Variants in DPF3 observed in about 807,000 individuals in gnomAD.
DPF3 encodes zinc finger protein DPF3.
DPF3 carries 18 observed loss-of-function variants against 56.8 expected under a neutral mutation model. That is an observed-to-expected ratio of 0.32 (90% confidence interval 0.22 to 0.47). The LOEUF is 0.47. Ranked by LOEUF, DPF3 falls within the 20% of genes least tolerant of loss-of-function variation. DPF3 has a pLI of 1.00. For synonymous variants in DPF3, 188 were observed against 180.2 expected (o/e 1.04, Z -0.35); for missense variants, 403 against 488.8 (o/e 0.82, Z 1.65).
At chr14:72,622,004 A>C (rs1280751303) in intron 9 of DPF3, among the ~76,000 whole-genome samples, 1 of 152,164 alleles carries the variant, frequency 6.6e-6, no homozygotes. Flanking sequence ...TGAGATATGG[A>C]CTTGGGATTC....
At chr14:72,728,511 G>C (rs1221053910) in intron 4 of DPF3, among the ~76,000 whole-genome samples, 3 of 152,176 alleles carry the variant, frequency 2.0e-5, no homozygotes, top group African/African-American at 7.2e-5. Flanking sequence ...CGCCCAGGAA[G>C]GTCACGCTCA....
At chr14:72,720,022 A>C (rs1173000611) in intron 5 of DPF3, among the ~76,000 whole-genome samples, 1 of 151,838 alleles carries the variant, frequency 6.6e-6, no homozygotes, top group Non-Finnish European at 1.5e-5. Flanking sequence ...AATTCTCATT[A>C]ATCTAGTGTG....
At chr14:72,714,136 A>G (rs1193589634) in intron 6 of DPF3, among the ~76,000 whole-genome samples, 2 of 152,200 alleles carry the variant, frequency 1.3e-5, no homozygotes, top group African/African-American at 2.4e-5. Flanking sequence ...TGAGAGAGAG[A>G]GCCGGAGGAG....
chr14:72,707,679 T>A (rs1029568893), intron 6 of DPF3, among the ~76,000 whole-genome samples: 2 of 149,830 alleles, frequency 1.3e-5, no homozygotes, highest in South Asian at 4.2e-4. Flanking sequence ...TCTGTGTGCG[T>A]GTGTGTGTGT....
intron 4 of DPF3, among the ~76,000 whole-genome samples, chr14:72,730,128 T>C (rs1340260750): frequency 6.6e-6 from 1 of 151,878 alleles, no homozygotes; most frequent in African/African-American, 2.4e-5. Flanking sequence ...GGGAGACCAC[T>C]GAGAAGACAA....
chr14:72,695,916 T>A (rs11848220), intron 6 of DPF3, among the ~76,000 whole-genome samples: 1 of 151,928 alleles, frequency 6.6e-6, no homozygotes, highest in African/African-American at 2.4e-5. Context: ...ATAAATATTG[T>A]AAAAAAAATA....
intron 4 of DPF3, among the ~76,000 whole-genome samples, chr14:72,726,873 T>C (rs774157646): frequency 6.6e-6 from 1 of 152,198 alleles, no homozygotes; most frequent in Non-Finnish European, 1.5e-5. Flanking sequence ...TTTTAAAGAC[T>C]ACATTATCTC....
chr14:72,622,987 C>A (rs1884554979), intron 9 of DPF3, among the ~76,000 whole-genome samples: 1 of 152,208 alleles, frequency 6.6e-6, no homozygotes, highest in South Asian at 2.1e-4. Context: ...AAAAATTATG[C>A]AGCTGTAGGA....
chr14:72,852,593 A>G (rs1402886924), intron 1 of DPF3, among the ~76,000 whole-genome samples: 1 of 152,222 alleles, frequency 6.6e-6, no homozygotes, highest in Admixed American at 6.5e-5. Context: ...TGTCGCCATG[A>G]TTGGCAATAA....
At chr14:72,667,092 G>A (rs796685535) in intron 8 of DPF3, among the ~76,000 whole-genome samples, 2 of 152,250 alleles carry the variant, frequency 1.3e-5, no homozygotes, top group African/African-American at 4.8e-5. Context: ...AGAGTAAGCA[G>A]GAACCCTTAA....
At chr14:72,793,975 C>T (rs1373666570) in intron 1 of DPF3, among the ~76,000 whole-genome samples, 1 of 152,220 alleles carries the variant, frequency 6.6e-6, no homozygotes, top group Non-Finnish European at 1.5e-5. Flanking sequence ...TAAACATTAA[C>T]ATTCATCCAG....
intron 1 of DPF3, among the ~76,000 whole-genome samples, chr14:72,802,101 A>G (rs1334473635): frequency 6.6e-6 from 1 of 152,216 alleles, no homozygotes; most frequent in African/African-American, 2.4e-5. Context: ...GTGAGTGACA[A>G]GAGCAAGCAA....
At chr14:72,843,950 C>T (rs1307367768) in intron 1 of DPF3, among the ~76,000 whole-genome samples, 1 of 152,112 alleles carries the variant, frequency 6.6e-6, no homozygotes, top group African/African-American at 2.4e-5. Context: ...TGATATAATC[C>T]CCACTTTACA....
intron 8 of DPF3, among the ~76,000 whole-genome samples, chr14:72,631,494 G>C (rs982145973): frequency 2.6e-5 from 4 of 152,142 alleles, no homozygotes; most frequent in African/African-American, 9.7e-5. Flanking sequence ...ACTCCATGTG[G>C]TATGACCACA....
chr14:72,756,951 G>A lies in DPF3; in HGVS notation c.194-3580C>T, dbSNP rs1330365879. ...GAAAGAAGAGAAGAGAAGAGAAAGG[G>A]AGAGGGAAAGAGGGGGAGAGAGGGA... On this transcript the variant is annotated intron_variant, in intron 2 of 10. Coordinates refer to ENST00000556509, the MANE Select transcript of DPF3 (RefSeq NM_001280542.3). 5.1e-3 allele frequency among the ~76,000 whole-genome samples: 473 copies of A among 93,040 alleles called. 2 individuals carry two copies. The highest frequency in any genetic ancestry group is 0.014 in the South Asian group (38 of 2,658). 61.0% of individuals were successfully genotyped at this position (93,040 alleles called of 152,430 possible). A position where few individuals can be genotyped will look rare whatever the true frequency, so the allele number is the denominator to read the frequency against.
intron 1 of DPF3, among the ~76,000 whole-genome samples, chr14:72,815,386 G>A (rs2140025092): frequency 6.6e-6 from 1 of 152,322 alleles, no homozygotes; most frequent in Non-Finnish European, 1.5e-5. Context: ...ACTGCGTGTG[G>A]GAATGCTAAC....
intron 7 of DPF3, 67 bp from the exon 8 acceptor site, chr14:72,674,435 C>A: frequency 6.4e-7 from 1 of 1,557,418 alleles, no homozygotes; most frequent in Admixed American, 1.9e-5. Flanking sequence ...TTCTTCTCCT[C>A]CTACAGTGTG....
chr14:72,893,000 G>A (rs1197113042), intron 1 of DPF3, among the ~76,000 whole-genome samples: 3 of 133,856 alleles, frequency 2.2e-5, no homozygotes, highest in African/African-American at 3.0e-5. Flanking sequence ...AGGAAGGAAG[G>A]AAGGAAGGAA....
chr14:72,784,007 G>A lies in DPF3; in HGVS notation c.33-12114C>T, dbSNP rs571203967. On this transcript the variant is annotated intron_variant, in intron 1 of 10. Transcript: ENST00000556509. The stretch of plus-strand genomic sequence containing the variant: ...GCATGGGATTTGTGGTCCTGACCTC[G>A]CTTGGGGGCCTCTGCCCTCCTGTCA... Among the ~76,000 whole-genome samples the A allele has an allele frequency of 9.2e-5, 14 of 152,276 alleles. 1 individual carries two copies. The East Asian group carries it at 2.1e-3, about 23-fold the overall frequency.
Sources: allele counts gnomAD v4.1 joint callset (sites outside exome capture counted in the v4.1 genomes callset), GRCh38; gene constraint gnomAD v4.1.1; transcripts MANE v1.5; gene names NCBI Gene and HGNC (gene_info 2026-07-23, HGNC 2026-07-21).